Variants in TYW1 observed in about 807,000 individuals in gnomAD.
The protein encoded by TYW1 is tRNA-yW synthesizing protein 1 homolog, also known as S-adenosyl-L-methionine-dependent tRNA 4-demethylwyosine synthase TYW1.
A neutral mutation model predicts 96.2 loss-of-function variants in TYW1; 46 were observed. The observed-to-expected ratio is 0.48, with a 90% CI of 0.38 to 0.61. TYW1 has a LOEUF of 0.61. TYW1 is among the 20% of genes least tolerant of loss of function. TYW1 has a pLI of 0.00. For synonymous variants in TYW1, 274 were observed against 323.0 expected, an observed-to-expected ratio of 0.85 and a Z score of 1.63; for missense variants, 684 against 909.6, an observed-to-expected ratio of 0.75 and a Z score of 3.19.
At chr7:67,109,138 G>A (rs1279446474) in intron 12 of TYW1, among the ~76,000 whole-genome samples, 1 of 151,920 alleles carries the variant, frequency 6.6e-6, no homozygotes, top group Non-Finnish European at 1.5e-5. Context: ...GCCGGGCGCA[G>A]TGGCGGGCAC....
intron 9 of TYW1, among the ~76,000 whole-genome samples, chr7:67,065,908 G>C (rs945104922): frequency 6.6e-6 from 1 of 151,854 alleles, no homozygotes; most frequent in Non-Finnish European, 1.5e-5. Context: ...CTACTTGGGA[G>C]GCTGAGGCAG....
chr7:67,125,785 G>A (rs1797895275), intron 13 of TYW1, among the ~76,000 whole-genome samples: 1 of 152,054 alleles, frequency 6.6e-6, no homozygotes, highest in Admixed American at 6.6e-5. Flanking sequence ...GCGTAGCTTT[G>A]CCTTTTCCAG....
intron 13 of TYW1, among the ~76,000 whole-genome samples, chr7:67,174,098 T>C (rs1799592278): frequency 1.3e-5 from 2 of 148,262 alleles, no homozygotes; most frequent in South Asian, 4.3e-4. Context: ...CCAAGATGTC[T>C]GTAGTTAGAC....
At chr7:67,130,405 G>C (rs1213172323) in intron 13 of TYW1, among the ~76,000 whole-genome samples, 1 of 151,582 alleles carries the variant, frequency 6.6e-6, no homozygotes, top group East Asian at 1.9e-4. Flanking sequence ...TGGGTGCGGT[G>C]GCTCACATCT....
chr7:67,139,390 G>T (rs548612775), intron 13 of TYW1, among the ~76,000 whole-genome samples: 1 of 152,122 alleles, frequency 6.6e-6, no homozygotes, highest in Non-Finnish European at 1.5e-5. Context: ...TTCTAAAATC[G>T]AGCAAGTATT....
Position 67,024,904 on chromosome 7 carries a change from A to C in TYW1, c.866A>C (p.Glu289Ala), listed in dbSNP as rs183361487. 3.7e-6 allele frequency: 6 copies of C among 1,613,820 alleles called. No homozygotes were observed. The highest frequency in any genetic ancestry group is 1.3e-5 in the African/African-American group (1 of 75,022). Residue 289 changes from glutamate to alanine, a missense_variant, in exon 7 of 16, where the codon GAA (glutamate) becomes GCA (alanine). Coordinates refer to ENST00000359626, the MANE Select transcript of TYW1 (RefSeq NM_018264.4). ...TCTGAAGCATTTCTCTTCCAGGAGG[A>C]AGAACCCTTTGAGAGCTCCAGTGAA... ...DELHHRDTEE[E>A]EPFESSSEEE...
At chr7:67,030,835 G>T (rs1281868940) in intron 7 of TYW1, among the ~76,000 whole-genome samples, 1 of 152,000 alleles carries the variant, frequency 6.6e-6, no homozygotes, top group South Asian at 2.1e-4. Context: ...GTTTCTTACA[G>T]GCCAAACTTG....
At chr7:67,166,297 C>G (rs1387221803) in intron 13 of TYW1, among the ~76,000 whole-genome samples, 2 of 138,602 alleles carry the variant, frequency 1.4e-5, no homozygotes, top group Non-Finnish European at 3.1e-5. Flanking sequence ...AATGCCTCCT[C>G]CCAGTACTTT....
intron 13 of TYW1, among the ~76,000 whole-genome samples, chr7:67,158,547 C>A (rs1443400858): frequency 6.6e-6 from 1 of 152,028 alleles, no homozygotes; most frequent in African/African-American, 2.4e-5. Context: ...TAAATCCCAG[C>A]TGGTCAGCAG....
intron 9 of TYW1, among the ~76,000 whole-genome samples, chr7:67,057,019 CTT>C (rs770339972): frequency 1.2e-4 from 16 of 138,744 alleles, no homozygotes; most frequent in Admixed American, 2.2e-4. Context: ...TTTTTCTTTT[CTT>C]TTTTTTTTTT....
At chr7:67,052,122 C>G (rs564845815) in intron 8 of TYW1, among the ~76,000 whole-genome samples, 1 of 152,136 alleles carries the variant, frequency 6.6e-6, no homozygotes, top group East Asian at 1.9e-4. Context: ...TATAATGTGC[C>G]TCAGTTTAGT....
chr7:67,066,919 T>C (rs1795884731), intron 9 of TYW1, among the ~76,000 whole-genome samples: 1 of 152,256 alleles, frequency 6.6e-6, no homozygotes, highest in African/African-American at 2.4e-5. Flanking sequence ...AGCAGGGATA[T>C]GCTTGCATAG....
intron 7 of TYW1, among the ~76,000 whole-genome samples, chr7:67,035,124 CT>C (rs544228034): frequency 1.6e-3 from 230 of 143,866 alleles, no homozygotes; most frequent in African/African-American, 3.6e-3. Context: ...ACATTTCTTT[CT>C]TTTTTTTTTT....
At chr7:67,133,222 A>G (rs1349711238) in intron 13 of TYW1, among the ~76,000 whole-genome samples, 1 of 151,200 alleles carries the variant, frequency 6.6e-6, no homozygotes. Flanking sequence ...CTGCAGTCTC[A>G]ACCTCCTGGG....
chr7:67,137,206 AG>A (rs1798292049), intron 13 of TYW1, among the ~76,000 whole-genome samples: 1 of 152,218 alleles, frequency 6.6e-6, no homozygotes, highest in Admixed American at 6.5e-5. Flanking sequence ...GAAAGATGCT[AG>A]AACTAAAAGT....
At chr7:67,076,897 C>T (rs1796225823) in intron 10 of TYW1, among the ~76,000 whole-genome samples, 2 of 151,830 alleles carry the variant, frequency 1.3e-5, no homozygotes, top group African/African-American at 4.8e-5. Context: ...GCCTCAGCCT[C>T]CTGACTAACT....
chr7:67,051,734 T>G (rs1168554696), intron 8 of TYW1, among the ~76,000 whole-genome samples: 1 of 72,630 alleles, frequency 1.4e-5, no homozygotes. Flanking sequence ...GTTTTTTTGT[T>G]TTTTTTTTTT....
At chr7:67,171,251 C>G (rs1409484071) in intron 13 of TYW1, among the ~76,000 whole-genome samples, 1 of 152,046 alleles carries the variant, frequency 6.6e-6, no homozygotes, top group South Asian at 2.1e-4. Context: ...TCTCCACTTT[C>G]ATTTCTGATT....
rs201945265 is a variant in TYW1, at chr7:67,012,912, G to GA, written c.376-1448dup. Among the ~76,000 whole-genome samples, 585 of 150,828 alleles carry GA rather than the reference G, an allele frequency of 3.9e-3. 2 individuals are homozygous for GA. The highest frequency in any genetic ancestry group is 0.013 in the African/African-American group (542 of 41,196). On this transcript the variant is annotated intron_variant, in intron 4 of 15. Transcript: ENST00000359626. Reference sequence around the variant, plus strand: ...AGATTTAAAAAAAAAAACCAAAACAGAAAAAAACCTCTAAAATCCAAAAAA... The same window carrying GA: ...AGATTTAAAAAAAAAAACCAAAACAGAAAAAAAACCTCTAAAATCCAAAAAA...
Sources: allele counts gnomAD v4.1 joint callset (sites outside exome capture counted in the v4.1 genomes callset), GRCh38; gene constraint gnomAD v4.1.1; transcripts MANE v1.5; gene names NCBI Gene and HGNC (gene_info 2026-07-23, HGNC 2026-07-21).